The following FMNL2 variants were observed in gnomAD, a reference collection of about 807,000 sequenced individuals.
FMNL2 encodes formin like 2.
Under a neutral mutation model 130.2 loss-of-function variants are expected in FMNL2, and 51 were observed. The ratio of observed to expected loss-of-function variants is 0.39; its 90% confidence interval spans 0.31 to 0.49. FMNL2 has a LOEUF of 0.49. Among genes scored for constraint, FMNL2 ranks in the 20% least tolerant of loss-of-function variants. The probability of loss-of-function intolerance (pLI) is 0.85; values close to 1 mark genes in which losing one functional copy is unlikely to be tolerated. For missense variants in FMNL2, 977 were observed against 1,316.2 expected (o/e 0.74, Z 3.99); for synonymous variants, 465 against 467.1 (o/e 1.00, Z 0.06).
At chr2:152,499,683 G>T (rs1691703295) in intron 1 of FMNL2, among the ~76,000 whole-genome samples, 1 of 152,162 alleles carries the variant, frequency 6.6e-6, no homozygotes, top group Admixed American at 6.5e-5. Context: ...TGTGTGAATA[G>T]GTTTCTGCTG....
At chr2:152,363,989 G>A (rs1459937763) in intron 1 of FMNL2, among the ~76,000 whole-genome samples, 2 of 152,102 alleles carry the variant, frequency 1.3e-5, no homozygotes, top group African/African-American at 4.8e-5. Context: ...TGGTGGTGGT[G>A]TTTATATTGG....
Position 152,384,968 on chromosome 2 carries a change from C to T in FMNL2, c.117+49248C>T, listed in dbSNP as rs569870669. The stretch of plus-strand genomic sequence containing the variant: ...TAACCCATGTTAGTGTAGCTAATAT[C>T]CATAAATGTATTAGAGGAAGAATTC... On this transcript the variant is annotated intron_variant, in intron 1 of 25. Transcript: ENST00000288670. 2.0e-5 allele frequency among the ~76,000 whole-genome samples: 3 copies of T among 152,296 alleles called. 1 individual carries two copies. Among genetic ancestry groups the T allele is most frequent in the African/African-American group, 7.2e-5 (3 of 41,556 alleles).
chr2:152,477,475 C>T (rs1690217481), intron 1 of FMNL2, among the ~76,000 whole-genome samples: 1 of 152,168 alleles, frequency 6.6e-6, no homozygotes, highest in Non-Finnish European at 1.5e-5. Flanking sequence ...ACCCCCATCC[C>T]AAACTTGTTT....
In FMNL2 at chr2:152,389,787, A is replaced by G; in HGVS notation, c.117+54067A>G. The G allele has an allele frequency of 4.0e-6, 6 of 1,487,636 alleles. No individual in the cohort carries two copies. The South Asian group carries it at 6.9e-5, about 17-fold the overall frequency. 92.2% of individuals were successfully genotyped at this position (1,487,636 alleles called of 1,614,324 possible). On this transcript the variant is annotated intron_variant, in intron 1 of 25. Coordinates refer to ENST00000288670, the MANE Select transcript of FMNL2 (RefSeq NM_052905.4). ...TGAACACTTTCTTCAGCTTCCTTCG[A>G]CGCAAAACAGACTTTTTCACTGCAG... is the stretch of plus-strand genomic sequence containing the variant.
At chr2:152,512,645 G>A (rs1397779638) in intron 1 of FMNL2, among the ~76,000 whole-genome samples, 1 of 152,204 alleles carries the variant, frequency 6.6e-6, no homozygotes, top group Non-Finnish European at 1.5e-5. Context: ...GATGGCAACA[G>A]TGTGACTACT....
chr2:152,473,153 A>G (rs577240920), intron 1 of FMNL2, among the ~76,000 whole-genome samples: 2 of 152,318 alleles, frequency 1.3e-5, no homozygotes, highest in South Asian at 4.1e-4. Context: ...GTATTTGTGC[A>G]TTTCATCAAA....
chr2:152,336,681 C>T (rs1419768058), intron 1 of FMNL2, among the ~76,000 whole-genome samples: 1 of 152,134 alleles, frequency 6.6e-6, no homozygotes, highest in African/African-American at 2.4e-5. Flanking sequence ...GCTGTTGGTC[C>T]CCCAGACTAC....
Position 152,648,035 on chromosome 2 carries a change from C to T in FMNL2, c.*130C>T. The T allele has an allele frequency of 3.7e-6, 3 of 809,162 alleles. No individual in the cohort carries two copies. In the South Asian group the frequency reaches 5.3e-5, roughly 14 times the overall value. The allele number at this position is 809,162 out of a possible 1,614,324, so 50.1% of individuals were successfully genotyped here. On this transcript the variant is annotated 3_prime_UTR_variant, in exon 26 of 26. Coordinates refer to ENST00000288670, the MANE Select transcript of FMNL2 (RefSeq NM_052905.4). ...TTCTTAAGGGCTCAGATTTAGCAAA[C>T]ACGGAAGAATTTTAAAATGAGCTCT...
At chr2:152,643,708 TCAATA>T (rs1683299020) in intron 25 of FMNL2, 1 of 985,378 alleles carries the variant, frequency 1.0e-6, no homozygotes, top group South Asian at 4.7e-5. Context: ...CTGGCCACTT[TCAATA>T]CATGTATGTA....
intron 1 of FMNL2, among the ~76,000 whole-genome samples, chr2:152,339,701 T>G (rs1409884189): frequency 1.3e-5 from 2 of 152,220 alleles, no homozygotes; most frequent in African/African-American, 4.8e-5. Context: ...TGCTTTGGTA[T>G]CTGATTAATT....
chr2:152,564,090 TATC>T (rs1695679230), intron 6 of FMNL2, among the ~76,000 whole-genome samples: 1 of 152,196 alleles, frequency 6.6e-6, no homozygotes, highest in Non-Finnish European at 1.5e-5. Flanking sequence ...TACACTCTGT[TATC>T]ATATTATGAT....
At chr2:152,419,103 C>CT (rs1686772249) in intron 1 of FMNL2, among the ~76,000 whole-genome samples, 1 of 151,338 alleles carries the variant, frequency 6.6e-6, no homozygotes, top group Non-Finnish European at 1.5e-5. Flanking sequence ...ATTTTTCATC[C>CT]TTGATCAGTT....
intron 1 of FMNL2, among the ~76,000 whole-genome samples, chr2:152,361,769 G>A (rs948883332): frequency 1.4e-4 from 21 of 151,934 alleles, no homozygotes; most frequent in South Asian, 2.1e-4. Flanking sequence ...CACTGTTACC[G>A]TCTTAGAGCA....
chr2:152,360,323 CCTCTT>C (rs1187221963), intron 1 of FMNL2, among the ~76,000 whole-genome samples: 3 of 151,180 alleles, frequency 2.0e-5, no homozygotes, highest in Non-Finnish European at 2.9e-5. Context: ...TTCTTCTTTT[CCTCTT>C]CTCTTCTCTT....
At chr2:152,341,166 G>A (rs547648807) in intron 1 of FMNL2, among the ~76,000 whole-genome samples, 1 of 152,346 alleles carries the variant, frequency 6.6e-6, no homozygotes, top group South Asian at 2.1e-4. Flanking sequence ...CCTGTTGTGA[G>A]GGGAAGAGAG....
intron 21 of FMNL2, among the ~76,000 whole-genome samples, chr2:152,632,623 A>C (rs1314487158): frequency 6.6e-6 from 1 of 152,196 alleles, no homozygotes; most frequent in African/African-American, 2.4e-5. Flanking sequence ...CTGTGACTCT[A>C]AGATAGCTGG....
chr2:152,383,622 A>G (rs1055997365), intron 1 of FMNL2, among the ~76,000 whole-genome samples: 2 of 152,196 alleles, frequency 1.3e-5, no homozygotes, highest in African/African-American at 4.8e-5. Context: ...TAATAATGGC[A>G]TAATTATAAT....
At chr2:152,454,204 G>A (rs1579703422) in intron 1 of FMNL2, among the ~76,000 whole-genome samples, 1 of 152,296 alleles carries the variant, frequency 6.6e-6, no homozygotes, top group East Asian at 1.9e-4. Context: ...TTGAATTTGG[G>A]AGGCAGCGGT....
chr2:152,552,683 G>T (rs552645019), intron 4 of FMNL2, among the ~76,000 whole-genome samples: 25 of 152,314 alleles, frequency 1.6e-4, no homozygotes, highest in South Asian at 4.1e-4. Flanking sequence ...TAATAATAGA[G>T]AAGAATTGGA....
Sources: allele counts gnomAD v4.1 joint callset (sites outside exome capture counted in the v4.1 genomes callset), GRCh38; gene constraint gnomAD v4.1.1; transcripts MANE v1.5; gene names NCBI Gene and HGNC (gene_info 2026-07-23, HGNC 2026-07-21).